DNAH5: variants seen among roughly 807,000 people sequenced by gnomAD.
The protein encoded by DNAH5 is axonemal beta dynein heavy chain 5.
DNAH5 carries 372 observed loss-of-function variants against 518.2 expected under a neutral mutation model. The observed-to-expected ratio is 0.72, with a 90% confidence interval of 0.66 to 0.78. DNAH5 has a LOEUF of 0.78. Ranked by LOEUF, DNAH5 falls within the 30% of genes least tolerant of loss-of-function variation. DNAH5 has a pLI of 0.00. For synonymous variants in DNAH5, 2,039 were observed against 2,025.9 expected (o/e 1.01, Z -0.17); for missense variants, 5,523 against 5,687.0 (o/e 0.97, Z 0.93).
Position 13,920,523 on chromosome 5 carries a change from T to C in DNAH5, c.755A>G (p.Lys252Arg). 6.2e-7 allele frequency: 1 copy of C among 1,614,210 alleles called. No homozygotes were observed. Among genetic ancestry groups the C allele is most frequent in the South Asian group, 1.1e-5 (1 of 91,086 alleles). Residue 252 changes from lysine to arginine, a missense_variant, in exon 6 of 79, where the codon AAA (lysine) becomes AGA (arginine). Coordinates refer to ENST00000265104, the MANE Select transcript of DNAH5 (RefSeq NM_001369.3). ...CCATACTTTCATGCAATCCTCTATT[T>C]TTCCCAAAGTCTCAGGGTTATTTGC... Reference protein sequence around the residue: ...TLANNPETLGKIEDCMKVWIK... With the variant: ...TLANNPETLGRIEDCMKVWIK...
At chr5:13,814,078 G>T (rs1313372385) in intron 43 of DNAH5, among the ~76,000 whole-genome samples, 3 of 151,702 alleles carry the variant, frequency 2.0e-5, no homozygotes, top group Non-Finnish European at 4.4e-5. Flanking sequence ...ATATATTGCT[G>T]GTAATAAAAT....
rs185581832 is a variant in DNAH5 at position 13,999,135 on chromosome 5, G to A, written c.12+12513C>T. Among the ~76,000 whole-genome samples, 417 of 152,336 alleles carry A rather than the reference G, an allele frequency of 2.7e-3. 3 individuals are homozygous for A. Among genetic ancestry groups the A allele is most frequent in the African/African-American group, 9.6e-3 (399 of 41,562 alleles). ...GATCTGCCCGCCTTGGCCTCCCAAGGTGCTGGGATTACAGGCGTGAGCCAC... is the reference window on the plus strand; with the variant it reads ...GATCTGCCCGCCTTGGCCTCCCAAGATGCTGGGATTACAGGCGTGAGCCAC... On this transcript the variant is annotated intron_variant, in intron 1 of 78. Transcript: ENST00000681290.
intron 19 of DNAH5, among the ~76,000 whole-genome samples, chr5:13,883,881 T>A (rs183382774): frequency 2.0e-5 from 3 of 152,286 alleles, no homozygotes; most frequent in African/African-American, 7.2e-5. Context: ...TTTCAGAGTT[T>A]CCACTTTTAT....
chr5:13,730,708 T>A (rs989040308), intron 68 of DNAH5, among the ~76,000 whole-genome samples: 4 of 151,232 alleles, frequency 2.6e-5, no homozygotes, highest in East Asian at 1.9e-4. Context: ...TGCTGTTATT[T>A]TTTTTTTTTT....
At chr5:13,994,032 G>C (rs1160284605) in intron 1 of DNAH5, among the ~76,000 whole-genome samples, 2 of 152,210 alleles carry the variant, frequency 1.3e-5, no homozygotes, top group African/African-American at 2.4e-5. Flanking sequence ...AGGCATGCCT[G>C]CTGTCAGGCC....
chr5:13,908,284 CTAAA>C (rs532741524), intron 12 of DNAH5, among the ~76,000 whole-genome samples: 111 of 152,216 alleles, frequency 7.3e-4, no homozygotes, highest in African/African-American at 2.4e-3. Flanking sequence ...GTTAGCCTAC[CTAAA>C]TAAACATCTA....
intron 31 of DNAH5, among the ~76,000 whole-genome samples, chr5:13,848,795 T>C (rs1263707760): frequency 6.6e-6 from 1 of 152,182 alleles, no homozygotes; most frequent in Non-Finnish European, 1.5e-5. Flanking sequence ...CAGGTGATAT[T>C]GCGAGTGATG....
intron 60 of DNAH5, 83 bp from the exon 61 acceptor site, chr5:13,759,066 C>T (rs530463032): frequency 5.8e-5 from 88 of 1,508,450 alleles, no homozygotes; most frequent in Non-Finnish European, 7.1e-5. Flanking sequence ...ACTCAGCTAA[C>T]GTCACATGTT....
rs754396098 is a variant in DNAH5 at position 13,919,241 on chromosome 5, A to G, written c.910T>C (p.Leu304=). ...ACAGCCTTCACATCCGGGCTTTTCA[A>G]TTGTTCCAAAAGGTAGTTAAACTTG... is the stretch of plus-strand genomic sequence containing the variant. ...LSKFNYLLEQ[L]KSPDVKAVLA... The change falls in exon 7 of 79, where the codon TTG becomes CTG. Residue 304 remains leucine, a synonymous_variant. Transcript: ENST00000265104. 8 of 1,613,982 alleles carry G rather than the reference A, an allele frequency of 5.0e-6. No individual in the cohort carries two copies. Among genetic ancestry groups the G allele is most frequent in the East Asian group, 2.2e-5 (1 of 44,896 alleles).
chr5:14,002,584 A>G lies in DNAH5; in HGVS notation c.12+9064T>C, dbSNP rs141406452. Among the ~76,000 whole-genome samples, 53 of 152,282 alleles carry G rather than the reference A, an allele frequency of 3.5e-4. 1 individual carries two copies. The East Asian group carries it at 9.1e-3, about 26-fold the overall frequency. ...AATAGTATTCTGTAAACAATGTTTA[A>G]TCATCAAGATATTACCATTATAAAC... is the stretch of plus-strand genomic sequence containing the variant. On this transcript the variant is annotated intron_variant, in intron 1 of 78. Coordinates refer to the DNAH5 transcript ENST00000681290.
chr5:13,792,260 G>T, intron 49 of DNAH5, 43 bp from the exon 50 acceptor site: 1 of 1,533,240 alleles, frequency 6.5e-7, no homozygotes, highest in Non-Finnish European at 9.0e-7. Flanking sequence ...GCCATTCAAA[G>T]AAATTAAATG....
chr5:13,903,348 T>C (rs920180700), intron 12 of DNAH5, among the ~76,000 whole-genome samples: 2 of 151,590 alleles, frequency 1.3e-5, no homozygotes, highest in African/African-American at 2.4e-5. Flanking sequence ...ACATGGAAGA[T>C]AGAAAAATAA....
At chr5:13,752,959 C>G (rs1246725865) in intron 63 of DNAH5, among the ~76,000 whole-genome samples, 1 of 152,190 alleles carries the variant, frequency 6.6e-6, no homozygotes, top group Non-Finnish European at 1.5e-5. Context: ...TGATACAGCT[C>G]TGCCGTTCTG....
chr5:13,851,146 A>C (rs1381783416), intron 30 of DNAH5, among the ~76,000 whole-genome samples: 1 of 152,214 alleles, frequency 6.6e-6, no homozygotes, highest in Non-Finnish European at 1.5e-5. Flanking sequence ...CTCTAAATGA[A>C]GTACATTTCC....
chr5:13,756,766 G>T (rs1254578190), intron 61 of DNAH5, among the ~76,000 whole-genome samples: 1 of 152,110 alleles, frequency 6.6e-6, no homozygotes, highest in Non-Finnish European at 1.5e-5. Flanking sequence ...GTAAACTTGT[G>T]TCATGGGGGT....
At chr5:13,819,604 G>A (rs1373852216) in intron 41 of DNAH5, among the ~76,000 whole-genome samples, 2 of 152,022 alleles carry the variant, frequency 1.3e-5, no homozygotes, top group African/African-American at 2.4e-5. Context: ...CATTCCAACC[G>A]TCAAGGTTCT....
chr5:13,721,292 C>CA (rs1435624480), intron 70 of DNAH5, 47 bp from the exon 71 acceptor site: 38 of 1,612,820 alleles, frequency 2.4e-5, no homozygotes, highest in Non-Finnish European at 3.1e-5. Flanking sequence ...CCAACTCTTT[C>CA]ATGTAGATAA....
chr5:13,718,903 C>G lies in DNAH5; in HGVS notation c.12478G>C (p.Gly4160Arg). Residue 4160 changes from glycine (G) to arginine (R), a missense_variant, in exon 72 of 79, where the codon GGA becomes CGA. By Grantham distance (125) the Gly-to-Arg change is moderately radical (BLOSUM62 -2). This residue lies in a region of DNAH5 where 5,121 missense variants were observed against 5,223.3 expected (regional missense o/e 0.98). Transcript: ENST00000265104. Reference sequence around the variant, plus strand: ...TCACCACTATATGTTCTTTTCAGTCCTGCCCGGAGTCCTTGTGGAGGATCG... The same window carrying G: ...TCACCACTATATGTTCTTTTCAGTCGTGCCCGGAGTCCTTGTGGAGGATCG... ...ANDPPQGLRA[G>R]LKRTYSGVSQ... The G allele has an allele frequency of 1.2e-6, 2 of 1,613,812 alleles. No homozygotes were observed. The highest frequency in any genetic ancestry group is 1.7e-6 in the Non-Finnish European group (2 of 1,179,696).
chr5:13,772,514 G>A (rs1753482503), intron 55 of DNAH5, among the ~76,000 whole-genome samples: 1 of 152,224 alleles, frequency 6.6e-6, no homozygotes, highest in Admixed American at 6.5e-5. Flanking sequence ...ATTCAGTCAA[G>A]AGGCCAGAAA....
Sources: gnomAD v4.1 joint callset for allele counts (sites outside exome capture counted in the v4.1 genomes callset) on GRCh38, gnomAD v4.1.1 for gene constraint, gnomAD v4.1.1 regional missense constraint, MANE v1.5 for transcripts, NCBI Gene and HGNC (gene_info 2026-07-23, HGNC 2026-07-21) for gene names.